ADAM12: variants seen among roughly 807,000 people sequenced by gnomAD.
ADAM12 encodes ADAM metallopeptidase domain 12.
In ADAM12, 70 loss-of-function variants were observed where a neutral mutation model predicts 106.4. The ratio of observed to expected loss-of-function variants is 0.66; its 90% CI spans 0.54 to 0.80. The LOEUF (loss-of-function observed/expected upper bound fraction) is 0.80, where lower values mean the gene tolerates loss of function less well. Among genes scored for constraint, ADAM12 ranks in the 30% least tolerant of loss-of-function variants. The pLI, the probability that ADAM12 is intolerant of heterozygous loss-of-function variation, is 0.00. For missense variants in ADAM12, 1,010 were observed against 1,171.9 expected (o/e 0.86, Z 2.02); for synonymous variants, 420 against 433.5 (o/e 0.97, Z 0.39).
At chr10:126,251,330 G>A (rs1029639015) in intron 3 of ADAM12, among the ~76,000 whole-genome samples, 1 of 152,242 alleles carries the variant, frequency 6.6e-6, no homozygotes, top group Non-Finnish European at 1.5e-5. Flanking sequence ...TGTCCAGAGA[G>A]TGGGTAGCAT....
rs60411537 is a variant in ADAM12 at position 126,049,988 on chromosome 10, GTGGCTGGCTGGCTGGCTGGCTGGC to G, written c.1610-343_1610-320del. Among the ~76,000 whole-genome samples the G allele has an allele frequency of 0.52, 78,570 of 149,858 alleles. 21,270 individuals carry two copies. Among genetic ancestry groups the G allele is most frequent in the East Asian group, 0.91 (4,605 of 5,088 alleles). On this transcript the variant is annotated intron_variant, in intron 14 of 22. Coordinates refer to ENST00000448723, the MANE Select transcript of ADAM12 (RefSeq NM_001288973.2). The surrounding 1 kb of genome is among the most constrained non-coding windows in gnomAD (Gnocchi z 4.4). ...AGATCTGATCCAGGGCAGAAAGGAG[GTGGCTGGCTGGCTGGCTGGCTGGC>G]TGGCTGGCTGGCTGGCTGGCTGCAG... is the stretch of plus-strand genomic sequence containing the variant.
At chr10:126,132,666 G>A (rs1360923480) in intron 5 of ADAM12, among the ~76,000 whole-genome samples, 2 of 151,996 alleles carry the variant, frequency 1.3e-5, no homozygotes. Flanking sequence ...CCCATCACAG[G>A]GGAGAAACAA....
At chr10:126,239,161 T>C (rs1958475051) in intron 3 of ADAM12, among the ~76,000 whole-genome samples, 1 of 152,242 alleles carries the variant, frequency 6.6e-6, no homozygotes. Context: ...AAAGATTAGC[T>C]TTTGATTCTG....
At chr10:126,113,691 T>A (rs1256075761) in intron 6 of ADAM12, among the ~76,000 whole-genome samples, 791 of 9,904 alleles carry the variant, frequency 0.08, 28 homozygotes, top group Middle Eastern at 0.1. Flanking sequence ...AAAAAAAATA[T>A]ATATATATAT....
chr10:126,253,367 T>C (rs1464691480), intron 3 of ADAM12, among the ~76,000 whole-genome samples: 4 of 152,268 alleles, frequency 2.6e-5, no homozygotes, highest in Non-Finnish European at 4.4e-5. Flanking sequence ...CAATGTGGCA[T>C]GTGTCCTAAT....
intron 1 of ADAM12, among the ~76,000 whole-genome samples, chr10:126,370,360 G>C (rs568263988): frequency 5.3e-5 from 8 of 152,330 alleles, no homozygotes; most frequent in African/African-American, 1.7e-4. Flanking sequence ...ATTTTCTACA[G>C]CCATCATAGG....
At chr10:126,248,166 T>C (rs1020572512) in intron 3 of ADAM12, among the ~76,000 whole-genome samples, 1 of 152,204 alleles carries the variant, frequency 6.6e-6, no homozygotes, top group African/African-American at 2.4e-5. Context: ...ATACCCCCTA[T>C]GCATCACTGG....
intron 21 of ADAM12, among the ~76,000 whole-genome samples, chr10:126,035,264 ATTTTAC>A (rs771384662): frequency 2.0e-5 from 3 of 152,284 alleles, no homozygotes; most frequent in East Asian, 1.9e-4. Flanking sequence ...TCAACCCAAT[ATTTTAC>A]TTTTAAGAAT....
At chr10:126,103,903 C>T (rs1955715246) in intron 8 of ADAM12, among the ~76,000 whole-genome samples, 1 of 152,208 alleles carries the variant, frequency 6.6e-6, no homozygotes, top group Non-Finnish European at 1.5e-5. Flanking sequence ...GCTCCTGCCA[C>T]CCAAATGCTC....
intron 21 of ADAM12, among the ~76,000 whole-genome samples, chr10:126,024,037 G>C (rs1413758688): frequency 6.6e-6 from 1 of 152,114 alleles, no homozygotes; most frequent in Admixed American, 6.6e-5. Context: ...TATGTTTAAA[G>C]AAGTACAAGA....
intron 1 of ADAM12, among the ~76,000 whole-genome samples, chr10:126,338,436 T>C (rs1380772000): frequency 6.6e-6 from 1 of 151,488 alleles, no homozygotes; most frequent in African/African-American, 2.4e-5. Context: ...GTATTTTTAG[T>C]AGAGACGGGG....
intron 1 of ADAM12, among the ~76,000 whole-genome samples, chr10:126,358,675 C>G (rs1004291757): frequency 1.3e-5 from 2 of 152,044 alleles, no homozygotes; most frequent in African/African-American, 2.4e-5. Context: ...ATAAAAGACA[C>G]CCAAATAGGA....
chr10:126,145,309 T>C (rs1020246497), intron 4 of ADAM12, among the ~76,000 whole-genome samples: 1 of 152,072 alleles, frequency 6.6e-6, no homozygotes, highest in African/African-American at 2.4e-5. Flanking sequence ...TCAGCTGCTC[T>C]CCCCCAAGAG....
intron 3 of ADAM12, among the ~76,000 whole-genome samples, chr10:126,224,255 C>T (rs779049686): frequency 2.6e-5 from 4 of 152,170 alleles, no homozygotes; most frequent in Non-Finnish European, 4.4e-5. Flanking sequence ...TTCAGCTCCT[C>T]CATTCTTAGA....
At chr10:126,021,113 A>G (rs1002876602) in intron 21 of ADAM12, among the ~76,000 whole-genome samples, 20 of 152,032 alleles carry the variant, frequency 1.3e-4, no homozygotes, top group African/African-American at 3.9e-4. Context: ...TAAGTGTTGG[A>G]CACATCTCTG....
intron 14 of ADAM12, among the ~76,000 whole-genome samples, chr10:126,050,436 G>A (rs1260106224): frequency 6.6e-6 from 1 of 152,198 alleles, no homozygotes; most frequent in African/African-American, 2.4e-5. Context: ...GAAGACTATT[G>A]AGCAAGTCAA....
rs146002796 is a variant in ADAM12, at chr10:126,053,345, T to G, written c.1610-3676A>C. Among the ~76,000 whole-genome samples, 1 of 152,196 alleles carries G rather than the reference T, an allele frequency of 6.6e-6. No homozygotes were observed. The highest frequency in any genetic ancestry group is 2.4e-5 in the African/African-American group (1 of 41,452). Reference sequence around the variant, plus strand: ...GACTAATACAGGGTGTGCTTATGATTGTAATGCCCCAAATGCTGGTGGAGC... The same window carrying G: ...GACTAATACAGGGTGTGCTTATGATGGTAATGCCCCAAATGCTGGTGGAGC... On this transcript the variant is annotated intron_variant, in intron 14 of 22. Transcript: ENST00000448723. The surrounding 1 kb of genome is among the most constrained non-coding windows in gnomAD (Gnocchi z 4.6).
chr10:126,287,878 T>C (rs1377013579), intron 2 of ADAM12, among the ~76,000 whole-genome samples: 1 of 151,760 alleles, frequency 6.6e-6, no homozygotes, highest in Admixed American at 6.6e-5. Flanking sequence ...CTCGGCAAAA[T>C]AGAAACTTCC....
intron 21 of ADAM12, among the ~76,000 whole-genome samples, chr10:126,023,275 T>C (rs1953804798): frequency 6.6e-6 from 1 of 152,166 alleles, no homozygotes; most frequent in Non-Finnish European, 1.5e-5. Context: ...CTCGCCAAAG[T>C]TGACAGGCGG....
Sources: allele counts gnomAD v4.1 joint callset (sites outside exome capture counted in the v4.1 genomes callset), GRCh38; gene constraint gnomAD v4.1.1; non-coding constraint Gnocchi (gnomAD v3.1); transcripts MANE v1.5; gene names NCBI Gene and HGNC (gene_info 2026-07-23, HGNC 2026-07-21).